Variants in PRRG4 observed in about 807,000 individuals in gnomAD.
The protein encoded by PRRG4 is transmembrane gamma-carboxyglutamic acid protein 4.
In PRRG4, 12 loss-of-function variants were observed where a neutral mutation model predicts 20.0. The observed-to-expected ratio is 0.60, with a 90% confidence interval of 0.38 to 0.97. The LOEUF is 0.97. Ranked by LOEUF, PRRG4 falls within the 50% of genes least tolerant of loss-of-function variation. PRRG4 has a pLI of 0.00. For missense variants in PRRG4, 199 were observed against 265.1 expected (o/e 0.75, Z 1.73); for synonymous variants, 94 against 96.4 (o/e 0.98, Z 0.15).
intron 5 of PRRG4, among the ~76,000 whole-genome samples, chr11:32,841,941 C>T (rs1260535702): frequency 3.9e-5 from 6 of 152,110 alleles, no homozygotes; most frequent in Non-Finnish European, 8.8e-5. Flanking sequence ...ATTCTATTGG[C>T]AGTCAGTAAA....
chr11:32,853,225 A>C, intron 5 of PRRG4, 71 bp from the exon 6 acceptor site: 1 of 1,051,644 alleles, frequency 9.5e-7, no homozygotes. Flanking sequence ...AGTTGGTTGG[A>C]TTTTTAAATA....
upstream of PRRG4, chr11:32,829,873 C>T (rs993625270): frequency 9.4e-5 from 93 of 985,412 alleles, no homozygotes; most frequent in South Asian, 5.6e-4. Context: ...GTAGGCCCGG[C>T]CCCCGGGAGG....
chr11:32,838,189 G>T (rs185994517), intron 3 of PRRG4, among the ~76,000 whole-genome samples: 1 of 152,138 alleles, frequency 6.6e-6, no homozygotes, highest in Non-Finnish European at 1.5e-5. Flanking sequence ...GGGCACAGTG[G>T]CTCATGCTTG....
In PRRG4 at chr11:32,853,696, G is replaced by T. The variant is rs1851205126; in HGVS notation, c.*169G>T. On this transcript the variant is annotated 3_prime_UTR_variant, in exon 6 of 6. Transcript: ENST00000257836. ...TTCAAAAATTACCTAGGCGTCATGG[G>T]GCATGCCTGTAGTCCCACCTACTTG... The T allele has an allele frequency of 1.8e-6, 1 of 559,122 alleles. No individual in the cohort carries two copies. The highest frequency in any genetic ancestry group is 1.9e-5 in the African/African-American group (1 of 52,836). The allele number at this position is 559,122 out of a possible 1,614,324, so 34.6% of individuals were successfully genotyped here.
Position 32,844,779 on chromosome 11 carries a change from G to A in PRRG4, c.449+4540G>A, listed in dbSNP as rs1851113189. On this transcript the variant is annotated intron_variant, in intron 5 of 5. Transcript: ENST00000257836. ...GCCTCCCAAAGTGCTGGGATTACAGGCATGAGCCACTGCACCCGGCCCAGC... is the reference window on the plus strand; with the variant it reads ...GCCTCCCAAAGTGCTGGGATTACAGACATGAGCCACTGCACCCGGCCCAGC... Among the ~76,000 whole-genome samples the A allele has an allele frequency of 2.0e-5, 3 of 152,028 alleles. 1 individual carries two copies. Among genetic ancestry groups the A allele is most frequent in the African/African-American group, 7.2e-5 (3 of 41,392 alleles).
intron 5 of PRRG4, among the ~76,000 whole-genome samples, chr11:32,850,943 G>T (rs1488237402): frequency 1.3e-5 from 2 of 152,038 alleles, no homozygotes; most frequent in African/African-American, 4.8e-5. Flanking sequence ...TGTGGTGGCG[G>T]GCACCTGTAA....
At chr11:32,831,693 G>A (rs964344024) in intron 2 of PRRG4, among the ~76,000 whole-genome samples, 21 of 152,264 alleles carry the variant, frequency 1.4e-4, no homozygotes, top group African/African-American at 5.1e-4. Flanking sequence ...TAAAATGATT[G>A]TGAGTGCAAT....
intron 5 of PRRG4, among the ~76,000 whole-genome samples, chr11:32,844,765 T>C (rs1260157408): frequency 1.3e-5 from 2 of 152,154 alleles, no homozygotes; most frequent in African/African-American, 2.4e-5. Flanking sequence ...CCTCCCAAAG[T>C]GCTGGGATTA....
chr11:32,841,696 T>A (rs1851081203), intron 5 of PRRG4, among the ~76,000 whole-genome samples: 1 of 151,980 alleles, frequency 6.6e-6, no homozygotes, highest in Admixed American at 6.6e-5. Context: ...TGTAGTCTCA[T>A]CTGCTTGTGG....
chr11:32,833,443 G>A (rs565927510), intron 2 of PRRG4, among the ~76,000 whole-genome samples: 1 of 152,170 alleles, frequency 6.6e-6, no homozygotes, highest in African/African-American at 2.4e-5. Flanking sequence ...AGACTGTCAT[G>A]AGAAATTTGG....
In PRRG4 at chr11:32,837,230, G is replaced by A. The variant is rs189961615; in HGVS notation, c.267+409G>A. ...TTATGACTGAGTAATTTGTCCTATC[G>A]GTGACCTTACCTTTTTTGATGACCC... On this transcript the variant is annotated intron_variant, in intron 3 of 5. Coordinates refer to ENST00000257836, the MANE Select transcript of PRRG4 (RefSeq NM_024081.6). Among the ~76,000 whole-genome samples the A allele has an allele frequency of 1.3e-4, 20 of 151,938 alleles. No homozygotes were observed. In the East Asian group the frequency reaches 3.3e-3, roughly 25 times the overall value.
At chr11:32,849,353 C>T (rs540270532) in intron 5 of PRRG4, among the ~76,000 whole-genome samples, 41 of 152,064 alleles carry the variant, frequency 2.7e-4, no homozygotes, top group African/African-American at 8.2e-4. Context: ...GAGCAAGACC[C>T]TTTCTCAAAA....
At position 32,840,378 on chromosome 11, in the gene PRRG4, CA is replaced by C. The variant is rs1771776478; in HGVS notation, c.449+142del. 4.7e-6 allele frequency: 3 copies of C among 631,698 alleles called. No individual in the cohort carries two copies. In the African/African-American group the frequency reaches 5.5e-5, roughly 12 times the overall value. The allele number at this position is 631,698 out of a possible 1,614,324, so 39.1% of individuals were successfully genotyped here. A position where few individuals can be genotyped will look rare whatever the true frequency, so the allele number is the denominator to read the frequency against. ...GAATTTTAGATGTATAGGGAAGTTG[CA>C]AAGGTTAATACAGAGAGTTCCCACA... On this transcript the variant is annotated intron_variant, in intron 5 of 5. Transcript: ENST00000257836. This position sits in a 1 kb window ranked among gnomAD's most constrained non-coding sequence, Gnocchi z 4.1.
intron 3 of PRRG4, among the ~76,000 whole-genome samples, chr11:32,837,532 G>GATT (rs750257070): frequency 1.5e-4 from 17 of 111,492 alleles, no homozygotes; most frequent in Non-Finnish European, 2.5e-4. Flanking sequence ...TGATGATGAT[G>GATT]ATGATGATGA....
chr11:32,853,273 C>A, intron 5 of PRRG4, 23 bp from the exon 6 acceptor site: 2 of 1,574,340 alleles, frequency 1.3e-6, no homozygotes, highest in Non-Finnish European at 1.7e-6. Context: ...TTTCCTAGAC[C>A]TAAATGTTGT....
chr11:32,853,291 C>T lies in PRRG4; in HGVS notation c.450-5C>T, dbSNP rs1283813041. On this transcript the variant is annotated splice_polypyrimidine_tract_variant and splice_region_variant and intron_variant, in intron 5 of 5. Transcript: ENST00000257836. ...CCTAGACCTAAATGTTGTCTCTCTG[C>T]TTAGCTCTTCAGCCGTCTATGAAAG... The T allele has an allele frequency of 6.2e-7, 1 of 1,608,378 alleles. No homozygotes were observed. Among genetic ancestry groups the T allele is most frequent in the South Asian group, 1.1e-5 (1 of 90,954 alleles).
At chr11:32,839,167 G>A (rs1183234897) in intron 4 of PRRG4, among the ~76,000 whole-genome samples, 1 of 152,154 alleles carries the variant, frequency 6.6e-6, no homozygotes, top group East Asian at 1.9e-4. Flanking sequence ...GCTTAAAGCT[G>A]TTTTAAACAG....
intron 5 of PRRG4, among the ~76,000 whole-genome samples, chr11:32,848,181 A>G (rs2133449123): frequency 1.3e-5 from 2 of 152,320 alleles, no homozygotes; most frequent in South Asian, 4.1e-4. Context: ...TGAACACTGC[A>G]TCCTCTAGAG....
chr11:32,845,354 G>A lies in PRRG4; in HGVS notation c.449+5115G>A, dbSNP rs1017500202. On this transcript the variant is annotated intron_variant, in intron 5 of 5. Transcript: ENST00000257836. ...AGATAGAGAACACTCGGCTGGGTGC[G>A]GTGGCTCACGTCTGTAATCCCAGCA... Among the ~76,000 whole-genome samples the A allele has an allele frequency of 1.2e-4, 18 of 152,080 alleles. 1 individual carries two copies. The highest frequency in any genetic ancestry group is 1.0e-4 in the Non-Finnish European group (7 of 68,032).
Sources: allele counts gnomAD v4.1 joint callset (sites outside exome capture counted in the v4.1 genomes callset), GRCh38; gene constraint gnomAD v4.1.1; non-coding constraint Gnocchi (gnomAD v3.1); transcripts MANE v1.5; gene names NCBI Gene and HGNC (gene_info 2026-07-23, HGNC 2026-07-21).